PDE3A: variants seen among roughly 807,000 people sequenced by gnomAD.
PDE3A encodes phosphodiesterase 3A.
Under a neutral mutation model 98.3 loss-of-function variants are expected in PDE3A, and 43 were observed. That is an observed-to-expected ratio of 0.44 (90% CI 0.34 to 0.56). The LOEUF (loss-of-function observed/expected upper bound fraction) is 0.56, where lower values mean the gene tolerates loss of function less well. PDE3A is among the 20% of genes least tolerant of loss of function. The probability of loss-of-function intolerance (pLI) is 0.01; values close to 1 mark genes in which losing one functional copy is unlikely to be tolerated. For missense variants in PDE3A, 1,427 were observed against 1,440.7 expected (o/e 0.99, Z 0.15); for synonymous variants, 663 against 567.9 (o/e 1.17, Z -2.38).
chr12:20,642,841 A>C (rs11045358), intron 10 of PDE3A, among the ~76,000 whole-genome samples: 3,066 of 152,300 alleles, frequency 0.02, 97 homozygotes, highest in African/African-American at 0.07. Flanking sequence ...AAAGAAAAAA[A>C]AATATTTAAA....
chr12:20,522,602 G>T (rs896733895), intron 1 of PDE3A, among the ~76,000 whole-genome samples: 1 of 152,174 alleles, frequency 6.6e-6, no homozygotes, highest in African/African-American at 2.4e-5. Context: ...TGGGAGGAAA[G>T]CTTTGTGGTT....
intron 1 of PDE3A, among the ~76,000 whole-genome samples, chr12:20,390,779 G>A (rs1015850374): frequency 7.9e-5 from 12 of 151,876 alleles, no homozygotes; most frequent in South Asian, 4.1e-4. Flanking sequence ...TTAGTTCACC[G>A]TATTTTCCTG....
chr12:20,519,338 G>T (rs1482423375), intron 1 of PDE3A, among the ~76,000 whole-genome samples: 1 of 152,108 alleles, frequency 6.6e-6, no homozygotes, highest in Non-Finnish European at 1.5e-5. Flanking sequence ...TATAAGCTGA[G>T]TCACATCTCA....
intron 5 of PDE3A, among the ~76,000 whole-genome samples, chr12:20,622,344 G>A (rs901637244): frequency 2.6e-5 from 4 of 152,082 alleles, no homozygotes; most frequent in African/African-American, 9.7e-5. Context: ...ATGCTATGAA[G>A]GCAAGAACAA....
At chr12:20,404,970 A>G (rs1944206318) in intron 1 of PDE3A, among the ~76,000 whole-genome samples, 1 of 151,272 alleles carries the variant, frequency 6.6e-6, no homozygotes, top group Admixed American at 6.6e-5. Context: ...GTTTTCTGCT[A>G]CCTTTATTTC....
intron 2 of PDE3A, among the ~76,000 whole-genome samples, chr12:20,561,357 G>C (rs1486230664): frequency 6.6e-6 from 1 of 152,072 alleles, no homozygotes; most frequent in East Asian, 1.9e-4. Context: ...CAGTTTTCTT[G>C]GTAGGATTGA....
At chr12:20,599,838 T>C (rs1943546885) in intron 2 of PDE3A, among the ~76,000 whole-genome samples, 1 of 152,178 alleles carries the variant, frequency 6.6e-6, no homozygotes, top group Non-Finnish European at 1.5e-5. Context: ...TATCTTCCTT[T>C]CATTGCTCAA....
At position 20,540,129 on chromosome 12, in the gene PDE3A, A is replaced by G. The variant is rs749422704; in HGVS notation, c.961-16531A>G. Among the ~76,000 whole-genome samples the G allele has an allele frequency of 4.5e-4, 69 of 152,254 alleles. 1 individual carries two copies. Among genetic ancestry groups the G allele is most frequent in the Middle Eastern group, 3.4e-3 (1 of 294 alleles). On this transcript the variant is annotated intron_variant, in intron 1 of 15. Transcript: ENST00000359062. The stretch of plus-strand genomic sequence containing the variant: ...AGATATCTGCCAATTTAATGGATTC[A>G]ATTTTTAACCACATTGTCTATTAGT...
intron 1 of PDE3A, among the ~76,000 whole-genome samples, chr12:20,470,090 A>G (rs1177688098): frequency 6.7e-6 from 1 of 148,564 alleles, no homozygotes; most frequent in East Asian, 2.0e-4. Context: ...TTTTTTTCCT[A>G]TCCCTGCCAC....
chr12:20,431,248 GA>G (rs1013642649), intron 1 of PDE3A, among the ~76,000 whole-genome samples: 5 of 151,554 alleles, frequency 3.3e-5, no homozygotes, highest in Middle Eastern at 3.4e-3. Flanking sequence ...GAACCAAAAA[GA>G]AAAAAAAGGT....
At chr12:20,633,925 C>G (rs2121512570) in intron 7 of PDE3A, 147 bp downstream of exon 7, 1 of 548,548 alleles carries the variant, frequency 1.8e-6, no homozygotes, top group Admixed American at 3.5e-5. Flanking sequence ...GTCTCAAACT[C>G]CTGGCCTCAA....
At position 20,369,675 on chromosome 12, in the gene PDE3A, C is replaced by T. The variant is rs1436659843; in HGVS notation, c.391C>T (p.Gln131Ter). 1.9e-6 allele frequency: 3 copies of T among 1,608,640 alleles called. No homozygotes were observed. Among genetic ancestry groups the T allele is most frequent in the African/African-American group, 2.7e-5 (2 of 74,894 alleles). The change falls in exon 1 of 16, where the codon CAG becomes TAG. Residue 131 changes from glutamine (Q) to a stop codon, truncating the protein, a stop_gained. Transcript: ENST00000359062. LOFTEE classifies it high-confidence loss of function. ...CGGTGCGCGGCTCAGCCCCTGGCTG[C>T]AGCCCTCGGCGCTGCTCTTCAGTCT... ...GGGARLSPWL[Q>*]PSALLFSLLC... is the part of the protein sequence containing the mutation.
In PDE3A at chr12:20,680,286, G is replaced by C; in HGVS notation, c.*15G>C. 1 of 1,612,878 alleles carries C rather than the reference G, an allele frequency of 6.2e-7. No individual in the cohort carries two copies. Among genetic ancestry groups the C allele is most frequent in the Non-Finnish European group, 8.5e-7 (1 of 1,179,284 alleles). On this transcript the variant is annotated 3_prime_UTR_variant, in exon 16 of 16. Coordinates refer to ENST00000359062, the MANE Select transcript of PDE3A (RefSeq NM_000921.5). Reference sequence around the variant, plus strand: ...CAGACCAGTGACAATGGATAGAATGGGCTGTGTTTCCAAACAGATTGACTT... The same window carrying C: ...CAGACCAGTGACAATGGATAGAATGCGCTGTGTTTCCAAACAGATTGACTT...
At chr12:20,611,786 A>G (rs1943861648) in intron 2 of PDE3A, among the ~76,000 whole-genome samples, 2 of 151,830 alleles carry the variant, frequency 1.3e-5, no homozygotes, top group South Asian at 4.1e-4. Flanking sequence ...CACTTTTTCT[A>G]TAACATACTT....
Position 20,592,044 on chromosome 12 carries a change from C to T in PDE3A, c.1012-21399C>T, listed in dbSNP as rs117231737. Among the ~76,000 whole-genome samples the T allele has an allele frequency of 3.9e-3, 592 of 152,150 alleles. 3 individuals carry two copies. The highest frequency in any genetic ancestry group is 7.0e-3 in the Non-Finnish European group (476 of 67,992). On this transcript the variant is annotated intron_variant, in intron 2 of 15. Transcript: ENST00000359062. ...CTGCAAACAAATAATTCAAGGGCAA[C>T]GATTAACATATAATTTTCAATATGG...
At chr12:20,558,210 A>G (rs1201100253) in intron 2 of PDE3A, among the ~76,000 whole-genome samples, 1 of 151,950 alleles carries the variant, frequency 6.6e-6, no homozygotes, top group East Asian at 1.9e-4. Flanking sequence ...TTGACAAAAA[A>G]AAAAAACCTC....
chr12:20,590,684 G>C lies in PDE3A; in HGVS notation c.1012-22759G>C, dbSNP rs559108388. On this transcript the variant is annotated intron_variant, in intron 2 of 15. Coordinates refer to ENST00000359062, the MANE Select transcript of PDE3A (RefSeq NM_000921.5). Reference sequence around the variant, plus strand: ...AGAAAGAAAACAATCTAAATGGTCAGAGTGATGGGAATTTTAAAAGGCAGC... The same window carrying C: ...AGAAAGAAAACAATCTAAATGGTCACAGTGATGGGAATTTTAAAAGGCAGC... Among the ~76,000 whole-genome samples, 13 of 152,120 alleles carry C rather than the reference G, an allele frequency of 8.5e-5. No individual in the cohort carries two copies. The East Asian group carries it at 2.3e-3, about 27-fold the overall frequency.
At position 20,478,966 on chromosome 12, in the gene PDE3A, TA is replaced by T. The variant is rs201725639; in HGVS notation, c.961-77693del. Among the ~76,000 whole-genome samples the T allele has an allele frequency of 5.3e-4, 81 of 152,334 alleles. 1 individual carries two copies. The East Asian group carries it at 0.015, about 28-fold the overall frequency. ...TCCTGATTAAAGAGCAGAAAATAAT[TA>T]CACTAATTTTAAAATATATACTTTG... On this transcript the variant is annotated intron_variant, in intron 1 of 15. Transcript: ENST00000359062.
At chr12:20,442,171 A>C (rs1205013412) in intron 1 of PDE3A, among the ~76,000 whole-genome samples, 1 of 152,224 alleles carries the variant, frequency 6.6e-6, no homozygotes, top group Non-Finnish European at 1.5e-5. Flanking sequence ...AGTCATTGAC[A>C]CTACCTATTC....
Sources: gnomAD v4.1 joint callset for allele counts (sites outside exome capture counted in the v4.1 genomes callset) on GRCh38, gnomAD v4.1.1 for gene constraint, MANE v1.5 for transcripts, NCBI Gene and HGNC (gene_info 2026-07-23, HGNC 2026-07-21) for gene names.